The following IL17RD variants were observed in gnomAD, a reference collection of about 807,000 sequenced individuals.
The protein encoded by IL17RD is interleukin 17 receptor D, also known as interleukin-17 receptor D.
IL17RD carries 52 observed loss-of-function variants against 80.5 expected under a neutral mutation model. The observed-to-expected ratio is 0.65, with a 90% CI of 0.52 to 0.81. The LOEUF (loss-of-function observed/expected upper bound fraction) is 0.81. Among genes scored for constraint, IL17RD ranks in the 40% least tolerant of loss-of-function variants. The pLI is 0.00. For synonymous variants in IL17RD, 416 were observed against 391.8 expected (o/e 1.06, Z -0.73); for missense variants, 1,024 against 955.1 (o/e 1.07, Z -0.95).
intron 1 of IL17RD, among the ~76,000 whole-genome samples, chr3:57,164,271 C>T (rs1488538947): frequency 6.6e-6 from 1 of 151,970 alleles, no homozygotes; most frequent in African/African-American, 2.4e-5. Context: ...TCGGGGCAGA[C>T]GGACATCATC....
At chr3:57,100,920 C>A (rs943981200) in intron 11 of IL17RD, among the ~76,000 whole-genome samples, 20 of 152,286 alleles carry the variant, frequency 1.3e-4, no homozygotes, top group Admixed American at 1.2e-3. Flanking sequence ...TACAAAACTT[C>A]CTGCCAGGTG....
chr3:57,138,809 C>T (rs935347291), intron 1 of IL17RD, among the ~76,000 whole-genome samples: 71 of 151,772 alleles, frequency 4.7e-4, no homozygotes, highest in Non-Finnish European at 8.1e-4. Context: ...CATGGTGGTG[C>T]ATGCCTGTAA....
intron 5 of IL17RD, among the ~76,000 whole-genome samples, chr3:57,107,558 A>G (rs777213403): frequency 1.3e-5 from 2 of 152,224 alleles, no homozygotes; most frequent in Non-Finnish European, 2.9e-5. Context: ...AGGACTGACC[A>G]TCCAAGGCCT....
chr3:57,164,981 G>A (rs868195539), intron 1 of IL17RD, 180 bp downstream of exon 1: 6 of 1,330,726 alleles, frequency 4.5e-6, no homozygotes, highest in Admixed American at 4.1e-5. Context: ...GGCCAGGGCC[G>A]GAGGACACGC....
chr3:57,127,181 C>CAT (rs796997910), intron 1 of IL17RD, among the ~76,000 whole-genome samples: 2,317 of 109,092 alleles, frequency 0.021, 162 homozygotes, highest in African/African-American at 0.075. Context: ...AAGGCCAACT[C>CAT]ATATATATAT....
intron 1 of IL17RD, among the ~76,000 whole-genome samples, chr3:57,131,233 C>T (rs946773940): frequency 6.9e-6 from 1 of 145,168 alleles, no homozygotes; most frequent in African/African-American, 2.5e-5. Context: ...GGAGAAATAT[C>T]AAGTCTCAAT....
At chr3:57,134,553 G>A in intron 1 of IL17RD, 1 of 1,400,056 alleles carries the variant, frequency 7.1e-7, no homozygotes, top group Admixed American at 1.7e-5. Context: ...GATTCTCATG[G>A]AACACATCCT....
chr3:57,148,193 C>T (rs1021669024), intron 1 of IL17RD, among the ~76,000 whole-genome samples: 48 of 149,020 alleles, frequency 3.2e-4, no homozygotes, highest in Admixed American at 2.8e-3. Flanking sequence ...GGTGTGGTGG[C>T]GCACGCCTGT....
chr3:57,135,964 G>A (rs531728649), intron 1 of IL17RD, among the ~76,000 whole-genome samples: 3 of 152,162 alleles, frequency 2.0e-5, no homozygotes, highest in African/African-American at 4.8e-5. Context: ...TATCCTAAAC[G>A]CTGTTCTGCA....
At chr3:57,125,412 G>C (rs1240166863) in intron 1 of IL17RD, among the ~76,000 whole-genome samples, 1 of 143,800 alleles carries the variant, frequency 7.0e-6, no homozygotes, top group Non-Finnish European at 1.5e-5. Context: ...CATCTCTAAA[G>C]AAAAAAAAAA....
chr3:57,116,308 A>T, intron 2 of IL17RD, among the ~76,000 whole-genome samples: 1 of 129,676 alleles, frequency 7.7e-6, no homozygotes. Flanking sequence ...TTTGAGACAG[A>T]GTTTCGCTCT....
At chr3:57,115,287 T>G (rs6792236) in intron 2 of IL17RD, among the ~76,000 whole-genome samples, 26,279 of 152,082 alleles carry the variant, frequency 0.17, 2,711 homozygotes, top group East Asian at 0.37. Flanking sequence ...AGATGTGAAT[T>G]CATAGGGGAG....
At chr3:57,104,492 G>T in intron 7 of IL17RD, 85 bp from the exon 8 acceptor site, 1 of 852,988 alleles carries the variant, frequency 1.2e-6, no homozygotes, top group Non-Finnish European at 1.9e-6. Context: ...AGCTGAAGGA[G>T]ACTTGCCACC....
intron 3 of IL17RD, among the ~76,000 whole-genome samples, chr3:57,113,845 C>T (rs554681059): frequency 7.9e-5 from 12 of 151,816 alleles, no homozygotes; most frequent in African/African-American, 2.7e-4. Context: ...GCTTGGCCTC[C>T]TTTTTTTTGT....
At chr3:57,113,202 T>A (rs1707136834) in intron 3 of IL17RD, among the ~76,000 whole-genome samples, 1 of 152,174 alleles carries the variant, frequency 6.6e-6, no homozygotes, top group Non-Finnish European at 1.5e-5. Context: ...TAATACAGGT[T>A]TGCTTTTTTC....
At chr3:57,112,449 C>G (rs1371868273) in intron 3 of IL17RD, among the ~76,000 whole-genome samples, 1 of 152,174 alleles carries the variant, frequency 6.6e-6, no homozygotes, top group Non-Finnish European at 1.5e-5. Context: ...CTAACAGAAA[C>G]TCTCCAGCCA....
rs779041353 is a variant in IL17RD, at chr3:57,154,279, T to TACACACACACACACACACAC, written c.126+10881_126+10882insGTGTGTGTGTGTGTGTGTGT. Among the ~76,000 whole-genome samples the TACACACACACACACACACAC allele has an allele frequency of 4.3e-3, 543 of 126,260 alleles. 4 individuals are homozygous for TACACACACACACACACACAC. The highest frequency in any genetic ancestry group is 0.016 in the African/African-American group (504 of 30,582). 82.8% of individuals were successfully genotyped at this position (126,260 alleles called of 152,430 possible). ...AAAAAATTATATATATATATATATA[T>TACACACACACACACACACAC]ATATACACACACACACACACACATA... On this transcript the variant is annotated intron_variant, in intron 1 of 12. Coordinates refer to ENST00000296318, the MANE Select transcript of IL17RD (RefSeq NM_017563.5).
intron 7 of IL17RD, among the ~76,000 whole-genome samples, chr3:57,104,795 T>TA (rs1469671307): frequency 6.6e-6 from 1 of 152,174 alleles, no homozygotes; most frequent in Non-Finnish European, 1.5e-5. Context: ...AAGACCTTGA[T>TA]AGAGATGAGA....
At chr3:57,129,335 CA>C (rs1324517893) in intron 1 of IL17RD, among the ~76,000 whole-genome samples, 1 of 152,096 alleles carries the variant, frequency 6.6e-6, no homozygotes, top group Admixed American at 6.6e-5. Context: ...CCTATGAGGG[CA>C]AAATAGTGAT....
Sources: allele counts gnomAD v4.1 joint callset (sites outside exome capture counted in the v4.1 genomes callset), GRCh38; gene constraint gnomAD v4.1.1; transcripts MANE v1.5; gene names NCBI Gene and HGNC (gene_info 2026-07-23, HGNC 2026-07-21).